The following SMC1B variants were observed in gnomAD, a reference collection of about 807,000 sequenced individuals.
The protein encoded by SMC1B is structural maintenance of chromosomes protein 1B.
SMC1B carries 60 observed loss-of-function variants against 157.9 expected under a neutral mutation model. The observed-to-expected ratio is 0.38, with a 90% confidence interval of 0.31 to 0.47. SMC1B has a LOEUF of 0.47. Among genes scored for constraint, SMC1B ranks in the 20% least tolerant of loss-of-function variants. SMC1B has a pLI of 0.99. For missense variants in SMC1B, 1,165 were observed against 1,426.2 expected (o/e 0.82, Z 2.95); for synonymous variants, 445 against 483.0 (o/e 0.92, Z 1.03).
chr22:45,346,892 A>C (rs748956358), intron 23 of SMC1B, among the ~76,000 whole-genome samples: 7 of 152,368 alleles, frequency 4.6e-5, no homozygotes, highest in Non-Finnish European at 1.0e-4. Flanking sequence ...AGAAAAATAC[A>C]TCTCAAAAGG....
intron 17 of SMC1B, among the ~76,000 whole-genome samples, chr22:45,361,109 A>G (rs951926097): frequency 2.0e-4 from 30 of 152,172 alleles, no homozygotes; most frequent in Admixed American, 1.6e-3. Flanking sequence ...TACTATCTCC[A>G]TTACTGATGA....
intron 5 of SMC1B, among the ~76,000 whole-genome samples, chr22:45,400,264 C>G (rs1188137287): frequency 6.6e-6 from 1 of 151,972 alleles, no homozygotes; most frequent in Non-Finnish European, 1.5e-5. Context: ...CTCATACAAG[C>G]TGGGGCAAGC....
Position 45,354,140 on chromosome 22 carries a change from A to G in SMC1B, c.3119-8T>C. 1 of 1,535,290 alleles carries G rather than the reference A, an allele frequency of 6.5e-7. No individual in the cohort carries two copies. Among genetic ancestry groups the G allele is most frequent in the East Asian group, 2.4e-5 (1 of 41,006 alleles). On this transcript the variant is annotated splice_region_variant and splice_polypyrimidine_tract_variant and intron_variant, in intron 20 of 24. Coordinates refer to ENST00000357450, the MANE Select transcript of SMC1B (RefSeq NM_148674.5). ...TTCTGCTGGCCTCAAAAGCTAAGAG[A>G]GAATCAATGTTCTTTATTTTAGAGA...
intron 15 of SMC1B, among the ~76,000 whole-genome samples, chr22:45,368,030 A>G (rs1174443707): frequency 6.6e-6 from 1 of 152,120 alleles, no homozygotes; most frequent in Non-Finnish European, 1.5e-5. Flanking sequence ...GTCTAACTTT[A>G]TTGACTAGTA....
At chr22:45,394,901 TATC>T (rs2087105634) in intron 7 of SMC1B, 134 bp from the exon 8 acceptor site, 1 of 1,053,890 alleles carries the variant, frequency 9.5e-7, no homozygotes, top group African/African-American at 1.7e-5. Context: ...TGAAAACACT[TATC>T]AGAGCAAATT....
At chr22:45,360,103 C>T in intron 17 of SMC1B, 145 bp from the exon 18 acceptor site, 1 of 630,552 alleles carries the variant, frequency 1.6e-6, no homozygotes, top group Non-Finnish European at 2.7e-6. Context: ...CTCATTGATG[C>T]TTGTAATTTA....
chr22:45,408,475 A>T (rs2087289971), intron 2 of SMC1B, among the ~76,000 whole-genome samples: 1 of 152,206 alleles, frequency 6.6e-6, no homozygotes, highest in Admixed American at 6.5e-5. Context: ...GTTATTTGAC[A>T]GTAGGGGGAT....
At chr22:45,371,617 C>G in intron 13 of SMC1B, 30 bp from the exon 14 acceptor site, 1 of 1,567,186 alleles carries the variant, frequency 6.4e-7, no homozygotes, top group Non-Finnish European at 8.6e-7. Context: ...ATTTTTTTAA[C>G]ATGGCTGTTT....
Position 45,345,567 on chromosome 22 carries a change from C to A in SMC1B, c.3498G>T (p.Val1166=), listed in dbSNP as rs569024980. 1 of 1,585,336 alleles carries A rather than the reference C, an allele frequency of 6.3e-7. No individual in the cohort carries two copies. The highest frequency in any genetic ancestry group is 1.1e-5 in the South Asian group (1 of 90,470). Residue 1166 remains valine (V), a splice_region_variant and synonymous_variant, in exon 24 of 25, where the codon GTG becomes GTT. Transcript: ENST00000357450. ...AALDNTNIGK[V]SSYIKEQTQD... ...GAGTTTGCTCTTTGATGTAACTTGA[C>A]ACCTGGAAGAAATAAAAACACACAT...
At chr22:45,393,176 G>A (rs2087081849) in intron 9 of SMC1B, among the ~76,000 whole-genome samples, 1 of 152,304 alleles carries the variant, frequency 6.6e-6, no homozygotes, top group African/African-American at 2.4e-5. Context: ...AAGTGATACT[G>A]TATTTTGGCT....
intron 22 of SMC1B, among the ~76,000 whole-genome samples, 188 bp from the exon 23 acceptor site, chr22:45,349,985 G>A (rs1399206835): frequency 6.6e-6 from 1 of 152,220 alleles, no homozygotes; most frequent in African/African-American, 2.4e-5. Context: ...ACCTATGCAA[G>A]GAGTATTTGG....
In SMC1B at chr22:45,361,841, A is replaced by G. The variant is rs373461436; in HGVS notation, c.2706T>C (p.Asp902=). 57 of 1,613,654 alleles carry G rather than the reference A, an allele frequency of 3.5e-5. No individual in the cohort carries two copies. The highest frequency in any genetic ancestry group is 4.8e-5 in the Non-Finnish European group (57 of 1,179,896). ...EEERKKFLAV[D]REVGKLQKEV... is the part of the protein sequence containing the mutation. ...CAAACTGATGAAGTCTTAATTACCT[A>G]TCAACAGCCAGAAACTTCTTCCGTT... Residue 902 remains aspartate (D), a splice_region_variant and synonymous_variant, in exon 17 of 25, where the codon GAT becomes GAC. Transcript: ENST00000357450.
chr22:45,371,336 C>A, intron 14 of SMC1B, 135 bp downstream of exon 14: 1 of 1,303,524 alleles, frequency 7.7e-7, no homozygotes, highest in Non-Finnish European at 9.8e-7. Flanking sequence ...TAAAACTTAG[C>A]TTACAACATT....
intron 22 of SMC1B, 43 bp from the exon 23 acceptor site, chr22:45,349,840 G>T (rs1209828237): frequency 6.8e-7 from 1 of 1,467,720 alleles, no homozygotes; most frequent in South Asian, 1.2e-5. Flanking sequence ...TTTTCTATTT[G>T]TTTTACAAAA....
intron 23 of SMC1B, 22 bp from the exon 24 acceptor site, chr22:45,345,591 A>G (rs774966446): frequency 1.3e-5 from 19 of 1,435,182 alleles, no homozygotes; most frequent in Non-Finnish European, 1.9e-5. Context: ...AAAAACACAC[A>G]TTTCACTAGG....
chr22:45,355,560 C>G (rs2086661439), intron 19 of SMC1B, among the ~76,000 whole-genome samples: 1 of 152,088 alleles, frequency 6.6e-6, no homozygotes, highest in African/African-American at 2.4e-5. Flanking sequence ...CTTAAGCAAT[C>G]CTCCCACTTC....
At chr22:45,412,796 A>T (rs983797968) in intron 1 of SMC1B, among the ~76,000 whole-genome samples, 1 of 152,092 alleles carries the variant, frequency 6.6e-6, no homozygotes, top group Non-Finnish European at 1.5e-5. Flanking sequence ...GTCGCCAGGA[A>T]CTTAGGAAAA....
intron 11 of SMC1B, among the ~76,000 whole-genome samples, chr22:45,385,972 G>A (rs545189621): frequency 6.6e-6 from 1 of 152,192 alleles, no homozygotes; most frequent in East Asian, 1.9e-4. Flanking sequence ...TCCAGATTAA[G>A]TGTGTTAATT....
intron 22 of SMC1B, among the ~76,000 whole-genome samples, chr22:45,350,271 A>AT (rs35156883): frequency 0.48 from 68,148 of 142,954 alleles, 18,436 homozygotes; most frequent in African/African-American, 0.76. Context: ...TTTTTTTTTA[A>AT]TTTTTTTTAA....
Sources: gnomAD v4.1 joint callset for allele counts (sites outside exome capture counted in the v4.1 genomes callset) on GRCh38, gnomAD v4.1.1 for gene constraint, MANE v1.5 for transcripts, NCBI Gene and HGNC (gene_info 2026-07-23, HGNC 2026-07-21) for gene names.